PDCD4: variants seen among roughly 807,000 people sequenced by gnomAD.
The protein encoded by PDCD4 is programmed cell death protein 4.
A neutral mutation model predicts 54.0 loss-of-function variants in PDCD4; 56 were observed. That is an observed-to-expected ratio of 1.04 (90% CI 0.84 to 1.30). PDCD4 has a LOEUF of 1.30. Among genes scored for constraint, PDCD4 ranks in the 50% most tolerant of loss-of-function variants. The pLI is 0.00. For synonymous variants in PDCD4, 186 were observed against 194.8 expected, an observed-to-expected ratio of 0.95 and a Z score of 0.37; for missense variants, 584 against 559.8, an observed-to-expected ratio of 1.04 and a Z score of -0.44.
rs1590741787 is a variant in PDCD4 at position 110,898,688 on chromosome 10, AT to A, written c.*601del. On this transcript the variant is annotated 3_prime_UTR_variant, in exon 12 of 12. Coordinates refer to ENST00000280154, the MANE Select transcript of PDCD4 (RefSeq NM_014456.5). ...TCTATTTTTCTACAAAACTGGAAAA[AT>A]GAACCTGGTTCTAGAAGAATGTACA... 6.5e-6 allele frequency: 1 copy of A among 152,762 alleles called. No individual in the cohort carries two copies. Among genetic ancestry groups the A allele is most frequent in the African/African-American group, 2.4e-5 (1 of 41,578 alleles). 9.5% of individuals were successfully genotyped at this position (152,762 alleles called of 1,614,324 possible).
At position 110,890,542 on chromosome 10, in the gene PDCD4, TTC is replaced by T; in HGVS notation, c.876-12_876-11del. ...GTCCAGCTATCAAACTTAAATTTTT[TTC>T]TTTCTCTGTAGAGCTGCTCTGGATA... On this transcript the variant is annotated splice_polypyrimidine_tract_variant and intron_variant, in intron 7 of 11. Coordinates refer to ENST00000280154, the MANE Select transcript of PDCD4 (RefSeq NM_014456.5). 6.5e-7 allele frequency: 1 copy of T among 1,548,354 alleles called. No homozygotes were observed. Among genetic ancestry groups the T allele is most frequent in the Non-Finnish European group, 8.8e-7 (1 of 1,132,730 alleles).
At chr10:110,874,551 G>C (rs113740896) in intron 1 of PDCD4, among the ~76,000 whole-genome samples, 2 of 151,756 alleles carry the variant, frequency 1.3e-5, no homozygotes, top group African/African-American at 4.8e-5. Context: ...AAAGTTGGCG[G>C]GAGTTATAGT....
chr10:110,872,783 G>C (rs1259426431), intron 1 of PDCD4, among the ~76,000 whole-genome samples: 1 of 152,220 alleles, frequency 6.6e-6, no homozygotes, highest in East Asian at 1.9e-4. Flanking sequence ...AAGCCGGGAA[G>C]GGAGCCCCCT....
At chr10:110,878,818 G>C (rs1198831282) in intron 2 of PDCD4, among the ~76,000 whole-genome samples, 1 of 152,124 alleles carries the variant, frequency 6.6e-6, no homozygotes, top group Non-Finnish European at 1.5e-5. Flanking sequence ...TATGTAAAGT[G>C]CCTTAGCTAA....
rs1273478687 is a variant in PDCD4, at chr10:110,885,313, T to TG, written c.502_503insG (p.Leu168CysfsTer10). The stretch of plus-strand genomic sequence containing the variant: ...GGATGAAAGGGCATTTGAGAAGACT[T>TG]TAACACCAATCATACAGGAATATTT... On this transcript the variant is annotated frameshift_variant, in exon 5 of 12. Coordinates refer to ENST00000280154, the MANE Select transcript of PDCD4 (RefSeq NM_014456.5). LOFTEE classifies it high-confidence loss of function. 6.2e-7 allele frequency: 1 copy of TG among 1,600,698 alleles called. No homozygotes were observed. The highest frequency in any genetic ancestry group is 1.3e-5 in the African/African-American group (1 of 74,374).
chr10:110,882,770 A>T (rs1164198485), intron 3 of PDCD4, among the ~76,000 whole-genome samples: 1 of 152,128 alleles, frequency 6.6e-6, no homozygotes, highest in Non-Finnish European at 1.5e-5. Context: ...CTTTTATTTT[A>T]AAGCATCTGC....
rs1416027735 is a variant in PDCD4 at position 110,899,406 on chromosome 10, C to T, written c.*1318C>T. 6.6e-6 allele frequency: 1 copy of T among 152,122 alleles called. No homozygotes were observed. The highest frequency in any genetic ancestry group is 2.4e-5 in the African/African-American group (1 of 41,428). 9.4% of individuals were successfully genotyped at this position (152,122 alleles called of 1,614,324 possible). A position where few individuals can be genotyped will look rare whatever the true frequency, so the allele number is the denominator to read the frequency against. ...CATTTTTAGGTTTTTAATTGTTTGACACTTGGATGATAAATGCAGTCATTT... is the reference window on the plus strand; with the variant it reads ...CATTTTTAGGTTTTTAATTGTTTGATACTTGGATGATAAATGCAGTCATTT... On this transcript the variant is annotated 3_prime_UTR_variant, in exon 12 of 12. Coordinates refer to ENST00000280154, the MANE Select transcript of PDCD4 (RefSeq NM_014456.5).
intron 2 of PDCD4, among the ~76,000 whole-genome samples, chr10:110,876,344 T>C (rs964876845): frequency 2.0e-5 from 3 of 152,222 alleles, no homozygotes; most frequent in African/African-American, 7.2e-5. Flanking sequence ...GTGAGGAAGC[T>C]TCAGACCATT....
At chr10:110,880,079 C>T (rs557850401) in intron 2 of PDCD4, among the ~76,000 whole-genome samples, 3 of 152,268 alleles carry the variant, frequency 2.0e-5, no homozygotes, top group East Asian at 3.9e-4. Context: ...AATTCAGTAG[C>T]CTTTCTGACT....
chr10:110,890,895 C>A (rs1406288995), intron 8 of PDCD4: 3 of 341,888 alleles, frequency 8.8e-6, no homozygotes, highest in Non-Finnish European at 1.6e-5. Context: ...TAATTATAAG[C>A]AAGCCATCTA....
intron 8 of PDCD4, among the ~76,000 whole-genome samples, chr10:110,893,431 AATAAC>A: frequency 6.6e-6 from 1 of 151,228 alleles, no homozygotes; most frequent in Non-Finnish European, 1.5e-5. Flanking sequence ...GATTTTAACA[AATAAC>A]ATATAGGGAA....
intron 3 of PDCD4, among the ~76,000 whole-genome samples, chr10:110,881,981 C>G (rs979797137): frequency 1.3e-5 from 2 of 152,190 alleles, no homozygotes; most frequent in Middle Eastern, 3.4e-3. Context: ...CTCTTTAGCT[C>G]TTTATTTTGG....
rs771091014 is a variant in PDCD4, at chr10:110,880,734, A to G, written c.44-499A>G. Reference sequence around the variant, plus strand: ...GCCTTAGTTTCCTTATCTGTCTTCAATGTTATAATAATTAACTGCCAAACT... The same window carrying G: ...GCCTTAGTTTCCTTATCTGTCTTCAGTGTTATAATAATTAACTGCCAAACT... On this transcript the variant is annotated intron_variant, in intron 2 of 11. Coordinates refer to ENST00000280154, the MANE Select transcript of PDCD4 (RefSeq NM_014456.5). Among the ~76,000 whole-genome samples the G allele has an allele frequency of 3.8e-4, 58 of 152,350 alleles. 1 individual carries two copies. Among genetic ancestry groups the G allele is most frequent in the Non-Finnish European group, 7.3e-4 (50 of 68,032 alleles).
At chr10:110,879,066 C>T in intron 2 of PDCD4, among the ~76,000 whole-genome samples, 1 of 152,226 alleles carries the variant, frequency 6.6e-6, no homozygotes, top group East Asian at 1.9e-4. Flanking sequence ...TAGATACATT[C>T]TGCTTAAAAG....
Position 110,883,046 on chromosome 10 carries a change from G to GT in PDCD4, c.391dup (p.Tyr131LeufsTer2), listed in dbSNP as rs1185532871. On this transcript the variant is annotated frameshift_variant, in exon 4 of 12. Coordinates refer to ENST00000280154, the MANE Select transcript of PDCD4 (RefSeq NM_014456.5). LOFTEE classifies it high-confidence loss of function. ...GTGTCTGGGGTACACCTGGACAGGT[G>GT]TATGATGTGGAGGAGGTGGATGTGA... is the stretch of plus-strand genomic sequence containing the variant. 6.9e-6 allele frequency: 11 copies of GT among 1,600,826 alleles called. No homozygotes were observed. The highest frequency in any genetic ancestry group is 9.4e-6 in the Non-Finnish European group (11 of 1,175,090).
At chr10:110,887,934 C>A in intron 6 of PDCD4, 48 bp downstream of exon 6, 1 of 1,255,786 alleles carries the variant, frequency 8.0e-7, no homozygotes, top group South Asian at 1.3e-5. Context: ...TACTATATTC[C>A]TAATTGTGGA....
intron 1 of PDCD4, among the ~76,000 whole-genome samples, chr10:110,874,978 G>A (rs1250984976): frequency 6.6e-6 from 1 of 152,008 alleles, no homozygotes; most frequent in African/African-American, 2.4e-5. Context: ...CACACTGCTA[G>A]CAACCTGATT....
chr10:110,896,094 TATTTA>T lies in PDCD4; in HGVS notation c.1349+9_1349+13del. On this transcript the variant is annotated splice_region_variant and intron_variant, in intron 11 of 11. Transcript: ENST00000280154. ...GAGATCTTTGTCCTTCAAGGTACTTTATTTAAATACTACTTTCTCAATGTAAAATA... is the reference window on the plus strand; with the variant it reads ...GAGATCTTTGTCCTTCAAGGTACTTTAATACTACTTTCTCAATGTAAAATA... 6.3e-7 allele frequency: 1 copy of T among 1,580,446 alleles called. No individual in the cohort carries two copies. Among genetic ancestry groups the T allele is most frequent in the African/African-American group, 1.4e-5 (1 of 72,986 alleles).
Position 110,885,318 on chromosome 10 carries a change from A to G in PDCD4, c.507A>G (p.Thr169=), listed in dbSNP as rs749098136. The G allele has an allele frequency of 1.9e-6, 3 of 1,598,828 alleles. No homozygotes were observed. Among genetic ancestry groups the G allele is most frequent in the Admixed American group, 1.7e-5 (1 of 59,280 alleles). The change falls in exon 5 of 12, where the codon ACA becomes ACG. Residue 169 remains threonine, a synonymous_variant. Coordinates refer to ENST00000280154, the MANE Select transcript of PDCD4 (RefSeq NM_014456.5). ...AAAGGGCATTTGAGAAGACTTTAACACCAATCATACAGGAATATTTTGAGC... is the reference window on the plus strand; with the variant it reads ...AAAGGGCATTTGAGAAGACTTTAACGCCAATCATACAGGAATATTTTGAGC... ...LDERAFEKTL[T]PIIQEYFEHG... is the part of the protein sequence containing the mutation.
Sources: allele counts gnomAD v4.1 joint callset (sites outside exome capture counted in the v4.1 genomes callset), GRCh38; gene constraint gnomAD v4.1.1; transcripts MANE v1.5; gene names NCBI Gene and HGNC (gene_info 2026-07-23, HGNC 2026-07-21).